Variants in MAST3 observed in about 807,000 individuals in gnomAD.
The protein encoded by MAST3 is microtubule associated serine/threonine kinase 3.
MAST3 carries 43 observed loss-of-function variants against 127.0 expected under a neutral mutation model. That is an observed-to-expected ratio of 0.34 (90% CI 0.27 to 0.44). The LOEUF is 0.44. MAST3 is among the 20% of genes least tolerant of loss of function. The pLI is 1.00. For synonymous variants in MAST3, 785 were observed against 809.2 expected (o/e 0.97, Z 0.51); for missense variants, 1,390 against 1,919.1 (o/e 0.72, Z 5.15).
Position 18,139,065 on chromosome 19 carries a change from G to A in MAST3, c.2146G>A (p.Asp716Asn). The A allele has an allele frequency of 6.2e-7, 1 of 1,604,888 alleles. No homozygotes were observed. Among genetic ancestry groups the A allele is most frequent in the Non-Finnish European group, 8.5e-7 (1 of 1,175,822 alleles). ...HLGSEDDETN[D>N]EESSTEIPQF... ...GGGCTCCGAGGACGACGAGACCAAT[G>A]ATGAAGAATCGTCCACAGAGATCCC... The change falls in exon 20 of 28, where the codon GAT becomes AAT. Residue 716 changes from aspartate (D) to asparagine (N), a missense_variant. Physicochemically the swap from Asp to Asn is conservative, Grantham distance 23. Transcript: ENST00000687212.
rs974348958 is a variant in MAST3, at chr19:18,141,940, G to A, written c.2264G>A (p.Ser755Asn). ...VQPTPTFAERSFSEDREEGWE... is the reference protein window; with the variant it reads ...VQPTPTFAERNFSEDREEGWE... ...CCCACTCCTACCTTCGCTGAAAGGA[G>A]CTTCAGTGAAGACCGGGAGGAGGGG... Residue 755 changes from serine (S) to asparagine (N), a missense_variant, in exon 21 of 28, where the codon AGC becomes AAC. Ser to Asn is a conservative substitution (Grantham distance 46). Transcript: ENST00000687212. 1 of 1,559,554 alleles carries A rather than the reference G, an allele frequency of 6.4e-7. No individual in the cohort carries two copies. Among genetic ancestry groups the A allele is most frequent in the Non-Finnish European group, 8.7e-7 (1 of 1,150,422 alleles).
At chr19:18,140,357 C>T (rs374955312) in intron 20 of MAST3, among the ~76,000 whole-genome samples, 9 of 151,714 alleles carry the variant, frequency 5.9e-5, no homozygotes, top group Admixed American at 3.9e-4. Context: ...CCAGCCTGGG[C>T]GACAGAGCGA....
chr19:18,124,669 C>T lies in MAST3; in HGVS notation c.973C>T (p.Leu325=). 1 of 1,605,166 alleles carries T rather than the reference C, an allele frequency of 6.2e-7. No individual in the cohort carries two copies. Among genetic ancestry groups the T allele is most frequent in the Non-Finnish European group, 8.5e-7 (1 of 1,176,570 alleles). Residue 325 remains leucine, a synonymous_variant, in exon 11 of 28, where the codon CTG becomes TTG. Coordinates refer to ENST00000687212, the MANE Select transcript of MAST3 (RefSeq NM_001393504.1). ...LEFDPEEFYH[L]LEAAEGHARE... ...GTTTGACCCTGAGGAATTTTACCAC[C>T]TGCTGGAGGCGGCTGAGGGCCATGC... is the stretch of plus-strand genomic sequence containing the variant.
intron 2 of MAST3, among the ~76,000 whole-genome samples, chr19:18,109,487 A>C (rs1290637573): frequency 2.6e-5 from 4 of 151,832 alleles, no homozygotes; most frequent in Non-Finnish European, 5.9e-5. Context: ...AGAGCCAAAG[A>C]CTCCACAAGG....
Position 18,149,128 on chromosome 19 carries a change from A to G in MAST3, c.3509-63A>G. On this transcript the variant is annotated intron_variant, in intron 27 of 27. Transcript: ENST00000687212. The surrounding 1 kb of genome is among the most constrained non-coding windows in gnomAD (Gnocchi z 5.9). ...CTTTAGCAGTTTTTGTCAGTCCCAC[A>G]GCTCCACTTCTGGGCTGGGGACATT... 1 of 1,410,550 alleles carries G rather than the reference A, an allele frequency of 7.1e-7. No homozygotes were observed. Among genetic ancestry groups the G allele is most frequent in the Non-Finnish European group, 9.2e-7 (1 of 1,082,400 alleles). The allele number at this position is 1,410,550 out of a possible 1,614,324, so 87.4% of individuals were successfully genotyped here. A position where few individuals can be genotyped will look rare whatever the true frequency, so the allele number is the denominator to read the frequency against.
intron 13 of MAST3, among the ~76,000 whole-genome samples, chr19:18,130,220 A>C (rs948566601): frequency 1.3e-5 from 2 of 152,218 alleles, no homozygotes; most frequent in Admixed American, 1.3e-4. Flanking sequence ...TATCTCAAAA[A>C]ACATAAGATA....
chr19:18,143,617 G>C, intron 21 of MAST3, 146 bp from the exon 22 acceptor site: 2 of 966,058 alleles, frequency 2.1e-6, no homozygotes, highest in Non-Finnish European at 3.0e-6. Context: ...TGGACAGAGA[G>C]GACAGTGCAG....
chr19:18,147,251 C>T (rs1280329667), intron 26 of MAST3, among the ~76,000 whole-genome samples, 192 bp from the exon 27 acceptor site: 1 of 151,880 alleles, frequency 6.6e-6, no homozygotes, highest in African/African-American at 2.4e-5. Flanking sequence ...CTACGGCGTG[C>T]ACCATCATGC....
Position 18,107,579 on chromosome 19 carries a change from C to T in MAST3, c.40-8C>T. ...CTGAGAATGATCCCCATTTCTGTCT[C>T]ATTGCAGAAGGAGCTGAGCCTGCCA... On this transcript the variant is annotated splice_polypyrimidine_tract_variant and splice_region_variant and intron_variant, in intron 1 of 27. Coordinates refer to ENST00000687212, the MANE Select transcript of MAST3 (RefSeq NM_001393504.1). 1 of 1,613,410 alleles carries T rather than the reference C, an allele frequency of 6.2e-7. No individual in the cohort carries two copies.
At position 18,102,642 on chromosome 19, in the gene MAST3, C is replaced by A. The variant is rs1405917728; in HGVS notation, c.39+4811C>A. ...GACTACAGGCGCCTGCCACCACATC[C>A]AGCTAATTTTTGTATTTTAAGTAGA... On this transcript the variant is annotated intron_variant, in intron 1 of 27. Transcript: ENST00000687212. Among the ~76,000 whole-genome samples, 3 of 152,166 alleles carry A rather than the reference C, an allele frequency of 2.0e-5. No homozygotes were observed. The East Asian group carries it at 5.8e-4, about 29-fold the overall frequency.
chr19:18,110,107 C>T lies in MAST3; in HGVS notation c.72-545C>T. On this transcript the variant is annotated intron_variant, in intron 2 of 27. Transcript: ENST00000687212. This position sits in a 1 kb window ranked among gnomAD's most constrained non-coding sequence, Gnocchi z 4.3. ...GACCCTCGCTGCCGGGCCGGGCCTGCGCGCAGGTGCGGAGCTGCGATCCCC... is the reference window on the plus strand; with the variant it reads ...GACCCTCGCTGCCGGGCCGGGCCTGTGCGCAGGTGCGGAGCTGCGATCCCC... 3 of 985,304 alleles carry T rather than the reference C, an allele frequency of 3.0e-6. No individual in the cohort carries two copies. Among genetic ancestry groups the T allele is most frequent in the Non-Finnish European group, 3.6e-6 (3 of 829,904 alleles). 61.0% of individuals were successfully genotyped at this position (985,304 alleles called of 1,614,324 possible).
In MAST3 at chr19:18,141,873, G is replaced by A; in HGVS notation, c.2206-9G>A. 1 of 1,411,846 alleles carries A rather than the reference G, an allele frequency of 7.1e-7. No homozygotes were observed. The highest frequency in any genetic ancestry group is 2.6e-5 in the Admixed American group (1 of 37,758). The allele number at this position is 1,411,846 out of a possible 1,614,324, so 87.5% of individuals were successfully genotyped here. ...ACCCGGCTTACCATTCTTTTGTCTTGCCTCCCAGGTCTACAGCAGCTCTGA... is the reference window on the plus strand; with the variant it reads ...ACCCGGCTTACCATTCTTTTGTCTTACCTCCCAGGTCTACAGCAGCTCTGA... On this transcript the variant is annotated splice_polypyrimidine_tract_variant and intron_variant, in intron 20 of 27. Coordinates refer to ENST00000687212, the MANE Select transcript of MAST3 (RefSeq NM_001393504.1).
Position 18,121,678 on chromosome 19 carries a change from C to A in MAST3, c.162-7C>A. The A allele has an allele frequency of 6.2e-7, 1 of 1,613,194 alleles. No homozygotes were observed. The highest frequency in any genetic ancestry group is 2.2e-5 in the East Asian group (1 of 44,886). On this transcript the variant is annotated splice_polypyrimidine_tract_variant and splice_region_variant and intron_variant, in intron 3 of 27. Coordinates refer to ENST00000687212, the MANE Select transcript of MAST3 (RefSeq NM_001393504.1). ...GCCACCTACCCTGTCCCCTTTTCCC[C>A]CCACAGCTGCCGCAGCGGGAACCGC...
At position 18,145,378 on chromosome 19, in the gene MAST3, A is replaced by C; in HGVS notation, c.3039+149A>C. ...TTCATCTCGGTCCCTGTCATTTGGC[A>C]GGGAGGAGGTCAGATGAGAGAGACA... is the stretch of plus-strand genomic sequence containing the variant. On this transcript the variant is annotated intron_variant, in intron 24 of 27. Coordinates refer to ENST00000687212, the MANE Select transcript of MAST3 (RefSeq NM_001393504.1). The surrounding 1 kb of genome is among the most constrained non-coding windows in gnomAD (Gnocchi z 5.9). 1.3e-6 allele frequency: 1 copy of C among 767,748 alleles called. No homozygotes were observed. The highest frequency in any genetic ancestry group is 2.2e-6 in the Non-Finnish European group (1 of 461,398). 47.6% of individuals were successfully genotyped at this position (767,748 alleles called of 1,614,324 possible). A position where few individuals can be genotyped will look rare whatever the true frequency, so the allele number is the denominator to read the frequency against.
Position 18,150,937 on chromosome 19 carries a change from C to T in MAST3, c.*1211C>T, listed in dbSNP as rs2043487030. The T allele has an allele frequency of 6.6e-6, 1 of 152,324 alleles. No homozygotes were observed. Among genetic ancestry groups the T allele is most frequent in the African/African-American group, 2.4e-5 (1 of 41,456 alleles). 9.4% of individuals were successfully genotyped at this position (152,324 alleles called of 1,614,324 possible). A position where few individuals can be genotyped will look rare whatever the true frequency, so the allele number is the denominator to read the frequency against. Reference sequence around the variant, plus strand: ...TTACGTCCAGCTACTTCCAGAAACACTCAGTGTCCCCTCCCCTCAGGCTCT... The same window carrying T: ...TTACGTCCAGCTACTTCCAGAAACATTCAGTGTCCCCTCCCCTCAGGCTCT... On this transcript the variant is annotated 3_prime_UTR_variant, in exon 28 of 28. Coordinates refer to ENST00000687212, the MANE Select transcript of MAST3 (RefSeq NM_001393504.1).
chr19:18,147,079 C>G, intron 26 of MAST3, 35 bp downstream of exon 26: 1 of 1,123,400 alleles, frequency 8.9e-7, no homozygotes, highest in East Asian at 2.9e-5. Context: ...GACTGGGGTT[C>G]TTTTTTTCTT....
intron 20 of MAST3, among the ~76,000 whole-genome samples, chr19:18,139,335 T>C (rs1469641709): frequency 6.6e-6 from 1 of 151,618 alleles, no homozygotes; most frequent in East Asian, 1.9e-4. Flanking sequence ...TTTTGTTTTG[T>C]TTTGTTTGAG....
intron 2 of MAST3, among the ~76,000 whole-genome samples, chr19:18,108,030 C>A (rs1013930264): frequency 1.3e-4 from 20 of 152,172 alleles, no homozygotes; most frequent in Admixed American, 1.1e-3. Flanking sequence ...GTGGCTCCCG[C>A]CTGTAATCCC....
rs1364543129 is a variant in MAST3, at chr19:18,110,376, G to A, written c.72-276G>A. ...CGGCGCTGACCCTCGAGTGAGTGTT[G>A]GGCAGGGCGGGGGTATGCGGGGTGC... On this transcript the variant is annotated intron_variant, in intron 2 of 27. Transcript: ENST00000687212. This position sits in a 1 kb window ranked among gnomAD's most constrained non-coding sequence, Gnocchi z 4.3. 1.7e-5 allele frequency: 17 copies of A among 985,474 alleles called. No individual in the cohort carries two copies. The highest frequency in any genetic ancestry group is 6.1e-5 in the Admixed American group (1 of 16,278). The allele number at this position is 985,474 out of a possible 1,614,324, so 61.0% of individuals were successfully genotyped here.
Sources: allele counts gnomAD v4.1 joint callset (sites outside exome capture counted in the v4.1 genomes callset), GRCh38; gene constraint gnomAD v4.1.1; non-coding constraint Gnocchi (gnomAD v3.1); transcripts MANE v1.5; gene names NCBI Gene and HGNC (gene_info 2026-07-23, HGNC 2026-07-21).